IL1RAPL2: variants seen among roughly 807,000 people sequenced by gnomAD.
The protein encoded by IL1RAPL2 is X-linked interleukin-1 receptor accessory protein-like 2.
In IL1RAPL2, 3 loss-of-function variants were observed where a neutral mutation model predicts 44.1. The observed-to-expected ratio is 0.07, with a 90% confidence interval of 0.03 to 0.18. IL1RAPL2 has a LOEUF of 0.18. Ranked by LOEUF, IL1RAPL2 falls within the 10% of genes least tolerant of loss-of-function variation. IL1RAPL2 has a pLI of 1.00. For synonymous variants in IL1RAPL2, 181 were observed against 178.8 expected (o/e 1.01, Z -0.10); for missense variants, 391 against 496.4 (o/e 0.79, Z 2.02).
chrX:104,616,885 G>A (rs1038368468), intron 1 of IL1RAPL2, among the ~76,000 whole-genome samples: 1 of 111,882 alleles, frequency 8.9e-6, no homozygotes, highest in African/African-American at 3.3e-5. Context: ...TTTCCCTATT[G>A]CAGTTCCCCT....
chrX:105,635,854 T>C (rs1009231945), intron 6 of IL1RAPL2, among the ~76,000 whole-genome samples: 2 of 111,279 alleles, frequency 1.8e-5, no homozygotes, highest in Non-Finnish European at 3.8e-5. Flanking sequence ...GGCAGAGTAA[T>C]AAGGGTAAGA....
At chrX:105,738,297 G>A (rs111318068) in intron 7 of IL1RAPL2, among the ~76,000 whole-genome samples, 5,161 of 111,567 alleles carry the variant, frequency 0.046, 305 homozygotes, top group African/African-American at 0.16. Context: ...AAGTTAAAGT[G>A]CGTATGGTAG....
chrX:104,722,766 G>A (rs1008361715), intron 2 of IL1RAPL2, among the ~76,000 whole-genome samples: 2 of 111,329 alleles, frequency 1.8e-5, no homozygotes, highest in African/African-American at 6.5e-5. Context: ...TGTGATGTAC[G>A]AGTTGTCTGC....
In IL1RAPL2 at chrX:105,339,323, A is replaced by G. The variant is rs763292197; in HGVS notation, c.697+71782A>G. On this transcript the variant is annotated intron_variant, in intron 5 of 10. Coordinates refer to ENST00000372582, the MANE Select transcript of IL1RAPL2 (RefSeq NM_017416.2). The stretch of plus-strand genomic sequence containing the variant: ...AGGATTTCCCCAAAACATATAGGGA[A>G]TCGTGTATGAATAAAGTCTCCAAAT... Among the ~76,000 whole-genome samples, 5 of 25,524 alleles carry G rather than the reference A, an allele frequency of 2.0e-4. No homozygotes were observed. The South Asian group carries it at 9.1e-3, about 47-fold the overall frequency. The allele number at this position is 25,524 out of a possible 115,157, so 22.2% of individuals were successfully genotyped here. A position where few individuals can be genotyped will look rare whatever the true frequency, so the allele number is the denominator to read the frequency against.
chrX:104,876,202 A>T (rs186835458), intron 2 of IL1RAPL2, among the ~76,000 whole-genome samples: 1 of 111,739 alleles, frequency 8.9e-6, no homozygotes, highest in East Asian at 2.8e-4. Flanking sequence ...GATACATGTC[A>T]GATCCCCCAT....
intron 2 of IL1RAPL2, among the ~76,000 whole-genome samples, chrX:105,007,565 C>A (rs2030964701): frequency 9.0e-6 from 1 of 111,485 alleles, no homozygotes; most frequent in Non-Finnish European, 1.9e-5. Context: ...TGGGTGGCAA[C>A]AGAGCCTGAC....
At chrX:105,535,933 TCAGTAAATTAAAAAATTTA>T (rs753921529) in intron 6 of IL1RAPL2, among the ~76,000 whole-genome samples, 13 of 111,429 alleles carry the variant, frequency 1.2e-4, no homozygotes, top group Non-Finnish European at 1.5e-4. Context: ...GTATTTTAAT[TCAGTAAATTAAAAAATTTA>T]CAGTAAATTA....
At chrX:104,614,199 C>T (rs1032612847) in intron 1 of IL1RAPL2, among the ~76,000 whole-genome samples, 2 of 110,722 alleles carry the variant, frequency 1.8e-5, no homozygotes, top group Admixed American at 9.7e-5. Flanking sequence ...TCCTTCAGTT[C>T]GTCTCTGGTT....
intron 6 of IL1RAPL2, among the ~76,000 whole-genome samples, chrX:105,674,343 T>C (rs1287732455): frequency 8.9e-6 from 1 of 112,144 alleles, no homozygotes. Flanking sequence ...GTTAATTTTT[T>C]AATAAGGTAT....
intron 6 of IL1RAPL2, among the ~76,000 whole-genome samples, chrX:105,490,939 T>C (rs2036312636): frequency 8.9e-6 from 1 of 112,147 alleles, no homozygotes; most frequent in African/African-American, 3.2e-5. Flanking sequence ...CTAAAAACAA[T>C]GACAAAACTC....
chrX:104,744,439 A>C (rs1447197321), intron 2 of IL1RAPL2, among the ~76,000 whole-genome samples: 1 of 111,484 alleles, frequency 9.0e-6, no homozygotes, highest in African/African-American at 3.3e-5. Context: ...ATAGTAGGTT[A>C]ATTCTCCTGT....
intron 6 of IL1RAPL2, among the ~76,000 whole-genome samples, chrX:105,513,539 A>T (rs1569449428): frequency 1.8e-5 from 2 of 111,840 alleles, no homozygotes; most frequent in Non-Finnish European, 3.8e-5. Context: ...GCAGTTTTTC[A>T]TATGTTTGTT....
chrX:105,284,402 A>T (rs183985572), intron 5 of IL1RAPL2, among the ~76,000 whole-genome samples: 1 of 112,269 alleles, frequency 8.9e-6, no homozygotes, highest in Non-Finnish European at 1.9e-5. Context: ...GCTATTGAAT[A>T]AAAGCCTGTC....
At chrX:104,943,640 G>A (rs1602839900) in intron 2 of IL1RAPL2, among the ~76,000 whole-genome samples, 1 of 111,105 alleles carries the variant, frequency 9.0e-6, no homozygotes, top group Admixed American at 9.6e-5. Context: ...TCTAGTCTTT[G>A]TTCATAAGTC....
rs61746121 is a variant in IL1RAPL2 at position 105,767,421 on chromosome X, C to T, written c.1821C>T (p.His607=). The change falls in exon 11 of 11, where the codon CAC becomes CAT. Residue 607 remains histidine (H), a synonymous_variant. Transcript: ENST00000372582. Reference sequence around the variant, plus strand: ...CTCAGGCTGATCTCCCTGAATTCCACCCTTCAGATTCAATGCAAATCAGGC... The same window carrying T: ...CTCAGGCTGATCTCCCTGAATTCCATCCTTCAGATTCAATGCAAATCAGGC... ...VSSQADLPEF[H]PSDSMQIRHC... 439 of 1,209,214 alleles carry T rather than the reference C, an allele frequency of 3.6e-4. 5 individuals are homozygous for T. In the African/African-American group the frequency reaches 7.0e-3, roughly 19 times the overall value.
At chrX:105,666,537 C>G (rs1397565120) in intron 6 of IL1RAPL2, among the ~76,000 whole-genome samples, 1 of 111,669 alleles carries the variant, frequency 9.0e-6, no homozygotes, top group East Asian at 2.8e-4. Context: ...TAATTTCTAA[C>G]AGAGCCGTAA....
chrX:105,102,784 A>T (rs1443438501), intron 2 of IL1RAPL2, among the ~76,000 whole-genome samples: 1 of 112,010 alleles, frequency 8.9e-6, no homozygotes, highest in Non-Finnish European at 1.9e-5. Context: ...CCAAAATGAA[A>T]GCTGACAGTG....
Position 105,177,506 on chromosome X carries a change from C to T in IL1RAPL2, c.83-17969C>T, listed in dbSNP as rs780944957. ...CTCCTCCCCCAATCCCTAGAAAAAT[C>T]GTCTTCCATGAAACCAGTCTCTGGT... On this transcript the variant is annotated intron_variant, in intron 2 of 10. Coordinates refer to ENST00000372582, the MANE Select transcript of IL1RAPL2 (RefSeq NM_017416.2). Among the ~76,000 whole-genome samples, 12 of 111,127 alleles carry T rather than the reference C, an allele frequency of 1.1e-4. No homozygotes were observed. In the East Asian group the frequency reaches 2.6e-3, roughly 24 times the overall value.
At chrX:104,713,802 G>A (rs1340745406) in intron 2 of IL1RAPL2, among the ~76,000 whole-genome samples, 4 of 110,397 alleles carry the variant, frequency 3.6e-5, no homozygotes, top group African/African-American at 1.3e-4. Context: ...GCTTTGATCT[G>A]ATAGTTTCAG....
Sources: allele counts gnomAD v4.1 joint callset (sites outside exome capture counted in the v4.1 genomes callset), GRCh38; gene constraint gnomAD v4.1.1; transcripts MANE v1.5; gene names NCBI Gene and HGNC (gene_info 2026-07-23, HGNC 2026-07-21).